PDE1C: variants seen among roughly 807,000 people sequenced by gnomAD.
PDE1C encodes dual specificity calcium/calmodulin-dependent 3',5'-cyclic nucleotide phosphodiesterase 1C.
A neutral mutation model predicts 93.1 loss-of-function variants in PDE1C; 62 were observed. The observed-to-expected ratio is 0.67, with a 90% confidence interval of 0.54 to 0.82. The LOEUF is 0.82. Among genes scored for constraint, PDE1C ranks in the 40% least tolerant of loss-of-function variants. The probability of loss-of-function intolerance (pLI) is 0.00; values close to 1 mark genes in which losing one functional copy is unlikely to be tolerated. For synonymous variants in PDE1C, 325 were observed against 310.1 expected (o/e 1.05, Z -0.50); for missense variants, 742 against 884.6 (o/e 0.84, Z 2.04).
rs1313328537 is a variant in PDE1C at position 31,893,359 on chromosome 7, A to G, written c.129-12499T>C. ...GGGGAGGGATCTGAACCAGTAATTC[A>G]TTGTCGTTTGTGGTCAGCTCCAGTA... is the stretch of plus-strand genomic sequence containing the variant. On this transcript the variant is annotated intron_variant, in intron 2 of 17. Transcript: ENST00000396191. 1.2e-5 allele frequency: 4 copies of G among 325,724 alleles called. 1 individual carries two copies. In the East Asian group the frequency reaches 6.8e-4, roughly 55 times the overall value. 20.2% of individuals were successfully genotyped at this position (325,724 alleles called of 1,614,324 possible).
At chr7:31,640,642 C>G in the PDE1C span, among the ~76,000 whole-genome samples, 1 of 147,208 alleles carries the variant, frequency 6.8e-6, no homozygotes, top group African/African-American at 2.5e-5. Context: ...TCTCGAAAAA[C>G]TTTTTTTTTT....
chr7:32,046,050 A>G (rs573751111), intron 2 of PDE1C, among the ~76,000 whole-genome samples: 2 of 152,280 alleles, frequency 1.3e-5, no homozygotes, highest in African/African-American at 4.8e-5. Flanking sequence ...CACATTAGAC[A>G]TTCATGGAAA....
chr7:31,672,418 C>T, the PDE1C span, among the ~76,000 whole-genome samples: 1 of 152,122 alleles, frequency 6.6e-6, no homozygotes, highest in Non-Finnish European at 1.5e-5. Context: ...GAAAACTTCA[C>T]CAACAACAAC....
chr7:31,802,729 T>A lies in PDE1C; in HGVS notation c.1891+6302A>T, dbSNP rs551026912. Among the ~76,000 whole-genome samples, 4 of 151,848 alleles carry A rather than the reference T, an allele frequency of 2.6e-5. 1 individual carries two copies. The South Asian group carries it at 8.3e-4, about 31-fold the overall frequency. ...TTTTTTCCTTTCATTAATTAAAAAA[T>A]TTAGCTCCACTGTCTTATTTGCATT... On this transcript the variant is annotated intron_variant, in intron 16 of 17. Coordinates refer to ENST00000396191, the MANE Select transcript of PDE1C (RefSeq NM_001191057.4).
At chr7:32,379,771 CT>C (rs1166226827) in intron 1 of PDE1C, among the ~76,000 whole-genome samples, 2 of 152,238 alleles carry the variant, frequency 1.3e-5, no homozygotes, top group Non-Finnish European at 2.9e-5. Flanking sequence ...CAAATTCACT[CT>C]ACATTTCTAA....
chr7:31,684,922 A>G, the PDE1C span, among the ~76,000 whole-genome samples: 12 of 152,236 alleles, frequency 7.9e-5, no homozygotes, highest in Non-Finnish European at 1.2e-4. Context: ...ATTAAAAATT[A>G]TGTTCACGCA....
At chr7:31,948,375 A>G (rs773160353) in intron 2 of PDE1C, among the ~76,000 whole-genome samples, 3 of 152,236 alleles carry the variant, frequency 2.0e-5, no homozygotes, top group Non-Finnish European at 2.9e-5. Context: ...ACAGGTATAT[A>G]GTTCAGCTTC....
chr7:32,168,944 A>G lies in PDE1C; in HGVS notation c.308+841T>C, dbSNP rs148105391. ...ATGGGGAGAGAAAAACGAGGTTTAT[A>G]TGTTCTGCTAACCATGTGGAGAGTA... On this transcript the variant is annotated intron_variant, in intron 3 of 18. Coordinates refer to the PDE1C transcript ENST00000396193. 6.6e-5 allele frequency among the ~76,000 whole-genome samples: 10 copies of G among 152,350 alleles called. No individual in the cohort carries two copies. The East Asian group carries it at 1.3e-3, about 21-fold the overall frequency.
At chr7:31,829,568 G>C (rs75884842) in intron 11 of PDE1C, among the ~76,000 whole-genome samples, 2 of 152,284 alleles carry the variant, frequency 1.3e-5, no homozygotes, top group South Asian at 4.1e-4. Flanking sequence ...TGGCTCACAT[G>C]TAGCATTAAC....
chr7:31,946,751 T>G (rs1347751380), intron 2 of PDE1C, among the ~76,000 whole-genome samples: 3 of 152,178 alleles, frequency 2.0e-5, no homozygotes, highest in Non-Finnish European at 4.4e-5. Flanking sequence ...CTTTATGCAC[T>G]CTTAAACTTG....
At chr7:32,160,910 A>G (rs1801881433) in intron 3 of PDE1C, among the ~76,000 whole-genome samples, 1 of 152,162 alleles carries the variant, frequency 6.6e-6, no homozygotes, top group Non-Finnish European at 1.5e-5. Flanking sequence ...TGACTTCTGC[A>G]AACCACTGCC....
At chr7:31,816,295 T>C in intron 14 of PDE1C, 141 bp from the exon 15 acceptor site, 1 of 692,066 alleles carries the variant, frequency 1.4e-6, no homozygotes, top group South Asian at 1.9e-5. Context: ...ATTCATCAGA[T>C]TGGCATGTAT....
the PDE1C span, chr7:31,697,196 C>G: frequency 6.5e-7 from 1 of 1,537,528 alleles, no homozygotes; most frequent in African/African-American, 1.4e-5. Flanking sequence ...GTCCCCAGGG[C>G]CTGGCCGTTG....
At chr7:31,823,340 C>A in intron 13 of PDE1C, 92 bp from the exon 14 acceptor site, 1 of 953,054 alleles carries the variant, frequency 1.0e-6, no homozygotes, top group Non-Finnish European at 1.5e-6. Context: ...GGTTAGCACT[C>A]CTAAAGTTAT....
intron 1 of PDE1C, among the ~76,000 whole-genome samples, chr7:32,213,956 A>G (rs1806237754): frequency 6.6e-6 from 1 of 152,202 alleles, no homozygotes; most frequent in Non-Finnish European, 1.5e-5. Context: ...AACTTTTGAA[A>G]TACTTTTCTG....
intron 1 of PDE1C, among the ~76,000 whole-genome samples, chr7:32,267,265 C>T (rs1810647060): frequency 6.6e-6 from 1 of 152,248 alleles, no homozygotes; most frequent in South Asian, 2.1e-4. Context: ...AACCTAAGGG[C>T]AGAGAGGAAG....
chr7:31,750,627 T>C (rs573146480), downstream of PDE1C, among the ~76,000 whole-genome samples: 1 of 152,390 alleles, frequency 6.6e-6, no homozygotes, highest in South Asian at 2.1e-4. Context: ...TTTAGAGATA[T>C]TATGCAATTT....
At chr7:31,642,805 A>G in the PDE1C span, 2 of 1,613,818 alleles carry the variant, frequency 1.2e-6, no homozygotes, top group Middle Eastern at 1.7e-4. Flanking sequence ...AGATTCCAAA[A>G]GTAGGGCGAG....
chr7:32,089,669 C>T (rs1485426272), intron 3 of PDE1C, among the ~76,000 whole-genome samples: 1 of 152,106 alleles, frequency 6.6e-6, no homozygotes, highest in Non-Finnish European at 1.5e-5. Context: ...TAATGGTTCC[C>T]GAGACCTCAG....
Sources: gnomAD v4.1 joint callset for allele counts (sites outside exome capture counted in the v4.1 genomes callset) on GRCh38, gnomAD v4.1.1 for gene constraint, MANE v1.5 for transcripts, NCBI Gene and HGNC (gene_info 2026-07-23, HGNC 2026-07-21) for gene names.